SLC35F4: variants seen among roughly 807,000 people sequenced by gnomAD.
SLC35F4 encodes solute carrier family 35 member F4, also known as chromosome 14 open reading frame 36.
SLC35F4 carries 24 observed loss-of-function variants against 44.2 expected under a neutral mutation model. The observed-to-expected ratio is 0.54, with a 90% CI of 0.39 to 0.76. The LOEUF is 0.76. Ranked by LOEUF, SLC35F4 falls within the 30% of genes least tolerant of loss-of-function variation. The pLI is 0.00. For synonymous variants in SLC35F4, 238 were observed against 223.6 expected, an observed-to-expected ratio of 1.06 and a Z score of -0.57; for missense variants, 562 against 586.1, an observed-to-expected ratio of 0.96 and a Z score of 0.42.
intron 1 of SLC35F4, among the ~76,000 whole-genome samples, chr14:57,885,985 C>T (rs1445288839): frequency 2.0e-5 from 3 of 152,106 alleles, no homozygotes; most frequent in African/African-American, 7.2e-5. Context: ...ATCATATACG[C>T]ACATAGTAAA....
At chr14:57,596,872 A>G in intron 1 of SLC35F4, 2 of 1,367,486 alleles carry the variant, frequency 1.5e-6, no homozygotes, top group Non-Finnish European at 2.0e-6. Flanking sequence ...CAGTTTGTGG[A>G]AGAGATCCAA....
chr14:57,668,106 G>C (rs992059521), intron 1 of SLC35F4, among the ~76,000 whole-genome samples: 1 of 150,396 alleles, frequency 6.6e-6, no homozygotes, highest in African/African-American at 2.5e-5. Context: ...ATTTTTTCAT[G>C]TGTCTGTTGG....
intron 1 of SLC35F4, among the ~76,000 whole-genome samples, chr14:57,720,979 C>CATAT (rs3062932): frequency 0.12 from 5,933 of 49,496 alleles, 529 homozygotes; most frequent in Middle Eastern, 0.2. Flanking sequence ...ATAAACTCCT[C>CATAT]ATATATATAT....
rs552216832 is a variant in SLC35F4, at chr14:57,677,467, T to C, written c.104-83343A>G. ...GATGGGTAGCTATGCATAAAGCAAG[T>C]ATAGTAATGTGTTAATGATAGACTC... On this transcript the variant is annotated intron_variant, in intron 1 of 7. Transcript: ENST00000556826. 2.0e-5 allele frequency among the ~76,000 whole-genome samples: 3 copies of C among 152,176 alleles called. No individual in the cohort carries two copies. In the East Asian group the frequency reaches 5.8e-4, roughly 29 times the overall value.
intron 1 of SLC35F4, among the ~76,000 whole-genome samples, chr14:57,652,164 A>G (rs907032266): frequency 3.3e-5 from 5 of 152,230 alleles, no homozygotes; most frequent in Non-Finnish European, 7.3e-5. Flanking sequence ...GTCTAACTTC[A>G]TACATAAGTA....
intron 1 of SLC35F4, among the ~76,000 whole-genome samples, chr14:57,881,424 C>T (rs1351536712): frequency 6.6e-6 from 1 of 152,116 alleles, no homozygotes; most frequent in African/African-American, 2.4e-5. Context: ...AAGTATTCCA[C>T]ATATGTACAT....
chr14:57,671,773 A>G (rs1316628447), intron 1 of SLC35F4, among the ~76,000 whole-genome samples: 3 of 152,082 alleles, frequency 2.0e-5, no homozygotes, highest in Non-Finnish European at 2.9e-5. Flanking sequence ...CCCAGCTAGT[A>G]GCCAGTGATA....
intron 3 of SLC35F4, among the ~76,000 whole-genome samples, chr14:57,588,357 A>AT (rs60172708): frequency 2.0e-5 from 3 of 150,696 alleles, no homozygotes; most frequent in East Asian, 2.0e-4. Flanking sequence ...TGGTGTCCCT[A>AT]TTTTTTTTTC....
intron 1 of SLC35F4, among the ~76,000 whole-genome samples, chr14:57,693,349 A>G (rs1178823983): frequency 6.6e-6 from 1 of 152,188 alleles, no homozygotes; most frequent in Non-Finnish European, 1.5e-5. Flanking sequence ...CAAAATCTCT[A>G]CAGCACTGTG....
chr14:57,926,735 G>GA (rs1889581807), intron 1 of SLC35F4, among the ~76,000 whole-genome samples: 1 of 141,090 alleles, frequency 7.1e-6, no homozygotes, highest in South Asian at 2.4e-4. Context: ...TGGGGGGGGG[G>GA]GGTGGATATA....
At chr14:57,959,547 A>G (rs1170161474) in intron 1 of SLC35F4, among the ~76,000 whole-genome samples, 1 of 152,192 alleles carries the variant, frequency 6.6e-6, no homozygotes, top group African/African-American at 2.4e-5. Flanking sequence ...TCTAAAATGC[A>G]TGGCTGAATT....
intron 1 of SLC35F4, among the ~76,000 whole-genome samples, chr14:57,858,748 C>T (rs1400129074): frequency 1.3e-5 from 2 of 151,230 alleles, no homozygotes; most frequent in Non-Finnish European, 2.9e-5. Context: ...CAATGAGCTG[C>T]ATGATGAGAC....
Position 57,741,794 on chromosome 14 carries a change from G to A in SLC35F4, c.103+123929C>T, listed in dbSNP as rs571090652. ...TTGTCAGATTCACCAAAGTTGAAAC[G>A]AAGAAAAAATGTTAAGGGCAGCCAG... is the stretch of plus-strand genomic sequence containing the variant. On this transcript the variant is annotated intron_variant, in intron 1 of 7. Coordinates refer to ENST00000556826, the MANE Select transcript of SLC35F4 (RefSeq NM_001306087.2). Among the ~76,000 whole-genome samples the A allele has an allele frequency of 7.9e-5, 12 of 152,214 alleles. No homozygotes were observed. The East Asian group carries it at 9.7e-4, about 12-fold the overall frequency.
At chr14:57,933,880 T>G (rs1053709885) in intron 1 of SLC35F4, among the ~76,000 whole-genome samples, 11 of 152,164 alleles carry the variant, frequency 7.2e-5, no homozygotes, top group Non-Finnish European at 5.9e-5. Context: ...AAAAAAAGTC[T>G]TGACACGAAA....
chr14:57,805,056 C>T (rs370450546), intron 1 of SLC35F4, among the ~76,000 whole-genome samples: 76 of 152,136 alleles, frequency 5.0e-4, no homozygotes, highest in African/African-American at 1.7e-3. Flanking sequence ...AAATGAAAAT[C>T]AAAACTACAA....
At chr14:57,581,522 G>A (rs942771519) in intron 3 of SLC35F4, 89 bp from the exon 4 acceptor site, 2 of 1,148,918 alleles carry the variant, frequency 1.7e-6, no homozygotes, top group East Asian at 2.6e-5. Context: ...TCAGGTAAGA[G>A]CACAAACACT....
chr14:57,787,462 G>A (rs2077795418), intron 1 of SLC35F4, among the ~76,000 whole-genome samples: 1 of 152,118 alleles, frequency 6.6e-6, no homozygotes, highest in African/African-American at 2.4e-5. Context: ...ATGTCATCAG[G>A]TTATTCAAAG....
intron 1 of SLC35F4, among the ~76,000 whole-genome samples, chr14:57,920,672 C>T (rs1889423941): frequency 6.6e-6 from 1 of 152,204 alleles, no homozygotes; most frequent in Non-Finnish European, 1.5e-5. Context: ...CATTTCTCCC[C>T]CTAACTAATG....
chr14:57,830,494 T>C (rs1254858322), intron 1 of SLC35F4, among the ~76,000 whole-genome samples: 1 of 152,236 alleles, frequency 6.6e-6, no homozygotes, highest in African/African-American at 2.4e-5. Flanking sequence ...TTTTATGTTA[T>C]GCTATGGAAA....
Sources: allele counts gnomAD v4.1 joint callset (sites outside exome capture counted in the v4.1 genomes callset), GRCh38; gene constraint gnomAD v4.1.1; transcripts MANE v1.5; gene names NCBI Gene and HGNC (gene_info 2026-07-23, HGNC 2026-07-21).